LRRC7: variants seen among roughly 807,000 people sequenced by gnomAD.
LRRC7 encodes leucine-rich repeat-containing protein 7.
A neutral mutation model predicts 175.7 loss-of-function variants in LRRC7; 23 were observed. The ratio of observed to expected loss-of-function variants is 0.13; its 90% CI spans 0.09 to 0.19. The LOEUF (loss-of-function observed/expected upper bound fraction) is 0.19, where lower values mean the gene tolerates loss of function less well. Among genes scored for constraint, LRRC7 ranks in the 10% least tolerant of loss-of-function variants. The pLI is 1.00. For synonymous variants in LRRC7, 685 were observed against 680.9 expected (o/e 1.01, Z -0.09); for missense variants, 1,354 against 1,904.7 (o/e 0.71, Z 5.38).
At chr1:69,959,026 G>C (rs1016382746) in intron 8 of LRRC7, among the ~76,000 whole-genome samples, 1 of 152,042 alleles carries the variant, frequency 6.6e-6, no homozygotes, top group African/African-American at 2.4e-5. Context: ...AAAGAGGACA[G>C]TTTTGACAAG....
At chr1:70,002,807 T>A (rs1655654079) in intron 11 of LRRC7, among the ~76,000 whole-genome samples, 1 of 152,056 alleles carries the variant, frequency 6.6e-6, no homozygotes, top group Non-Finnish European at 1.5e-5. Context: ...ATTACAGTCA[T>A]TATTTTATTA....
intron 2 of LRRC7, among the ~76,000 whole-genome samples, chr1:69,679,509 A>G (rs780118819): frequency 6.0e-4 from 91 of 152,122 alleles, no homozygotes; most frequent in African/African-American, 2.1e-3. Flanking sequence ...ATGTCATTCA[A>G]TAGTGTTTTG....
chr1:69,573,174 T>C (rs1645807029), intron 1 of LRRC7, among the ~76,000 whole-genome samples: 1 of 152,098 alleles, frequency 6.6e-6, no homozygotes, highest in Non-Finnish European at 1.5e-5. Flanking sequence ...ATTAGAAAAC[T>C]GAAACTCAGA....
chr1:70,016,401 A>C (rs1354681117), intron 13 of LRRC7, 64 bp from the exon 14 acceptor site: 6 of 1,183,078 alleles, frequency 5.1e-6, no homozygotes, highest in Non-Finnish European at 7.1e-6. Flanking sequence ...TATTTTAAAT[A>C]ATTCTTAGAA....
intron 7 of LRRC7, among the ~76,000 whole-genome samples, chr1:69,850,715 G>A (rs778575782): frequency 6.6e-6 from 1 of 152,006 alleles, no homozygotes; most frequent in Non-Finnish European, 1.5e-5. Context: ...TGGATATGGT[G>A]ACACAATTTC....
At chr1:69,960,812 G>C (rs181985293) in intron 8 of LRRC7, among the ~76,000 whole-genome samples, 1 of 151,786 alleles carries the variant, frequency 6.6e-6, no homozygotes, top group East Asian at 1.9e-4. Flanking sequence ...CAATAAACTA[G>C]GTGTTCAAGG....
At chr1:70,017,813 C>A (rs1657096366) in intron 14 of LRRC7, among the ~76,000 whole-genome samples, 1 of 151,978 alleles carries the variant, frequency 6.6e-6, no homozygotes, top group Admixed American at 6.6e-5. Context: ...TTCAAGGCAT[C>A]AATATATCAT....
At chr1:69,976,394 G>T (rs541421716) in intron 8 of LRRC7, among the ~76,000 whole-genome samples, 21 of 152,222 alleles carry the variant, frequency 1.4e-4, no homozygotes, top group African/African-American at 4.6e-4. Context: ...CTTTATATTC[G>T]CTGGCAGCTG....
rs1204650835 is a variant in LRRC7 at position 70,136,721 on chromosome 1, CTTTT to C, written c.*14855_*14858del. On this transcript the variant is annotated 3_prime_UTR_variant, in exon 27 of 27. Transcript: ENST00000651989. ...TTCTGCTTTATTGCTTTTTTAATGCCTTTTTTTTTTTTTTTTTTTTTTTTCTGAG... is the reference window on the plus strand; with the variant it reads ...TTCTGCTTTATTGCTTTTTTAATGCCTTTTTTTTTTTTTTTTTTTTCTGAG... Among the ~76,000 whole-genome samples, 145 of 98,322 alleles carry C rather than the reference CTTTT, an allele frequency of 1.5e-3. No homozygotes were observed. The highest frequency in any genetic ancestry group is 2.1e-3 in the Non-Finnish European group (108 of 50,350). The allele number at this position is 98,322 out of a possible 152,430, so 64.5% of individuals were successfully genotyped here. A position where few individuals can be genotyped will look rare whatever the true frequency, so the allele number is the denominator to read the frequency against.
rs563692006 is a variant in LRRC7, at chr1:69,886,934, T to G, written c.648-44573T>G. On this transcript the variant is annotated intron_variant, in intron 7 of 26. Coordinates refer to ENST00000651989, the MANE Select transcript of LRRC7 (RefSeq NM_001370785.2). ...CGAAAATTCTTTTCTTTAAGAATGTTGAAAATTGGCCCCCACTCCCTTGTG... is the reference window on the plus strand; with the variant it reads ...CGAAAATTCTTTTCTTTAAGAATGTGGAAAATTGGCCCCCACTCCCTTGTG... Among the ~76,000 whole-genome samples, 8 of 152,220 alleles carry G rather than the reference T, an allele frequency of 5.3e-5. 1 individual carries two copies. In the South Asian group the frequency reaches 1.7e-3, roughly 32 times the overall value.
intron 3 of LRRC7, among the ~76,000 whole-genome samples, chr1:69,779,984 C>T (rs1259613343): frequency 6.6e-6 from 1 of 152,186 alleles, no homozygotes; most frequent in African/African-American, 2.4e-5. Context: ...ACTGCTGGCA[C>T]CAACTCTTAA....
intron 1 of LRRC7, among the ~76,000 whole-genome samples, chr1:69,608,639 T>C (rs1355118759): frequency 6.6e-6 from 1 of 151,938 alleles, no homozygotes; most frequent in Non-Finnish European, 1.5e-5. Flanking sequence ...TTTAACAAAT[T>C]CAGTTATATT....
At chr1:69,572,485 A>G (rs1166370609) in intron 1 of LRRC7, among the ~76,000 whole-genome samples, 1 of 152,184 alleles carries the variant, frequency 6.6e-6, no homozygotes, top group Non-Finnish European at 1.5e-5. Context: ...GAAAAGTGGC[A>G]CTATAAATCA....
At chr1:69,979,052 T>C (rs746302789) in intron 8 of LRRC7, among the ~76,000 whole-genome samples, 32 of 152,314 alleles carry the variant, frequency 2.1e-4, no homozygotes, top group South Asian at 1.0e-3. Flanking sequence ...TCTCCTTTTT[T>C]TGTCATGCGT....
intron 1 of LRRC7, among the ~76,000 whole-genome samples, chr1:69,595,855 C>T (rs1032310717): frequency 4.6e-5 from 7 of 151,998 alleles, no homozygotes; most frequent in Admixed American, 3.3e-4. Flanking sequence ...TTTAAGTCTC[C>T]AGTCACTTTT....
At position 69,931,580 on chromosome 1, in the gene LRRC7, T is replaced by C. The variant is rs1570708131; in HGVS notation, c.711+10T>C. The C allele has an allele frequency of 6.2e-7, 1 of 1,609,988 alleles. No homozygotes were observed. Among genetic ancestry groups the C allele is most frequent in the East Asian group, 2.2e-5 (1 of 44,842 alleles). ...TGAATTCGGTGAGCTGGTAAGCAAA[T>C]GCATTTTCTAAACCTGATAAATACC... On this transcript the variant is annotated intron_variant, in intron 8 of 26. Coordinates refer to ENST00000651989, the MANE Select transcript of LRRC7 (RefSeq NM_001370785.2).
chr1:69,803,635 G>A (rs1676777063), intron 4 of LRRC7, among the ~76,000 whole-genome samples: 1 of 151,374 alleles, frequency 6.6e-6, no homozygotes, highest in Non-Finnish European at 1.5e-5. Flanking sequence ...TATGCAACCA[G>A]CAGATTCTTT....
rs1453334619 is a variant in LRRC7, at chr1:70,138,133, A to G, written c.*16246A>G. On this transcript the variant is annotated 3_prime_UTR_variant, in exon 27 of 27. Transcript: ENST00000651989. ...AGAAACTTAGTGTCATTGCGCATCAACTTAGAAAATGTGAATTGATTAAAA... is the reference window on the plus strand; with the variant it reads ...AGAAACTTAGTGTCATTGCGCATCAGCTTAGAAAATGTGAATTGATTAAAA... 1.3e-5 allele frequency: 2 copies of G among 152,228 alleles called. No homozygotes were observed. Among genetic ancestry groups the G allele is most frequent in the African/African-American group, 2.4e-5 (1 of 41,452 alleles). The allele number at this position is 152,228 out of a possible 1,614,324, so 9.4% of individuals were successfully genotyped here.
At chr1:69,884,906 G>C (rs1442242119) in intron 7 of LRRC7, among the ~76,000 whole-genome samples, 1 of 146,638 alleles carries the variant, frequency 6.8e-6, no homozygotes, top group Non-Finnish European at 1.5e-5. Flanking sequence ...CTGTTTATAT[G>C]CTGGATTACA....
Sources: gnomAD v4.1 joint callset for allele counts (sites outside exome capture counted in the v4.1 genomes callset) on GRCh38, gnomAD v4.1.1 for gene constraint, MANE v1.5 for transcripts, NCBI Gene and HGNC (gene_info 2026-07-23, HGNC 2026-07-21) for gene names.